PALB2: variants seen among roughly 807,000 people sequenced by gnomAD.
PALB2 encodes partner and localizer of BRCA2, also known as mutant partner and localizer of BRCA2.
In PALB2, 82 loss-of-function variants were observed where a neutral mutation model predicts 107.4. The observed-to-expected ratio is 0.76, with a 90% CI of 0.64 to 0.92. PALB2 has a LOEUF of 0.92. Among genes scored for constraint, PALB2 ranks in the 40% least tolerant of loss-of-function variants. The probability of loss-of-function intolerance (pLI) is 0.00; values close to 1 mark genes in which losing one functional copy is unlikely to be tolerated. For synonymous variants in PALB2, 489 were observed against 496.8 expected (o/e 0.98, Z 0.21); for missense variants, 1,374 against 1,379.9 (o/e 1.00, Z 0.07).
chr16:23,607,523 T>G (rs1256075471), intron 12 of PALB2: 2 of 343,278 alleles, frequency 5.8e-6, no homozygotes, highest in African/African-American at 4.3e-5. Flanking sequence ...CTCAAACTCC[T>G]GGGCTCAAGC....
At chr16:23,638,787 T>TA (rs1485364660) in intron 1 of PALB2, among the ~76,000 whole-genome samples, 1 of 152,210 alleles carries the variant, frequency 6.6e-6, no homozygotes, top group Non-Finnish European at 1.5e-5. Context: ...CTACTTTAGT[T>TA]ACAGTGGTCA....
intron 8 of PALB2, 82 bp from the exon 9 acceptor site, chr16:23,623,212 T>C: frequency 1.5e-6 from 2 of 1,323,776 alleles, no homozygotes; most frequent in Non-Finnish European, 2.1e-6. Context: ...TTTTTTTTTT[T>C]TTTTTTTTTG....
intron 6 of PALB2, among the ~76,000 whole-genome samples, chr16:23,627,945 T>G (rs1418269175): frequency 6.6e-6 from 1 of 152,200 alleles, no homozygotes; most frequent in Non-Finnish European, 1.5e-5. Context: ...ATTAGGACAC[T>G]GGGCATGGTG....
At chr16:23,617,938 C>T (rs562623333) in intron 10 of PALB2, 2 of 152,236 alleles carry the variant, frequency 1.3e-5, no homozygotes, top group Admixed American at 6.5e-5. Flanking sequence ...GGGAGGGTTG[C>T]TTAAGTCCAA....
intron 6 of PALB2, 41 bp from the exon 7 acceptor site, chr16:23,626,438 T>C (rs1306592016): frequency 6.2e-7 from 1 of 1,606,070 alleles, no homozygotes; most frequent in Non-Finnish European, 8.5e-7. Flanking sequence ...GGCACTCGAG[T>C]GCTGTTTTAT....
intron 4 of PALB2, among the ~76,000 whole-genome samples, 162 bp from the exon 5 acceptor site, chr16:23,630,631 T>C (rs900008051): frequency 2.0e-5 from 3 of 152,178 alleles, no homozygotes; most frequent in African/African-American, 7.2e-5. Context: ...TGAAGTCCTA[T>C]CAAAGAAACA....
rs1060502798 is a variant in PALB2 at position 23,607,903 on chromosome 16, C to A, written c.3311G>T (p.Gly1104Val). The stretch of plus-strand genomic sequence containing the variant: ...TGGAGGAAGACAGTACAGCATCACA[C>A]CCACGCTGAGAGTCGTCTTAGGGTT... ...VINPKTTLSVGVMLYCLPPGQ... is the reference protein window; with the variant it reads ...VINPKTTLSVVVMLYCLPPGQ... Residue 1104 changes from glycine to valine, a missense_variant, in exon 12 of 13, where the codon GGT (glycine) becomes GTT (valine). Transcript: ENST00000261584. The A allele has an allele frequency of 1.2e-6, 2 of 1,614,072 alleles. No homozygotes were observed. Among genetic ancestry groups the A allele is most frequent in the Non-Finnish European group, 1.7e-6 (2 of 1,180,006 alleles).
Position 23,635,304 on chromosome 16 carries a change from T to G in PALB2, c.1242A>C (p.Arg414=), listed in dbSNP as rs875989795. Residue 414 remains arginine (R), a synonymous_variant, in exon 4 of 13, where the codon CGA becomes CGC. Coordinates refer to ENST00000261584, the MANE Select transcript of PALB2 (RefSeq NM_024675.4). ...FPAEYYVRTT[R]SMSNCQRKVA... ...CTTTCCTCTGGCAATTGGACATGCT[T>G]CGTGTTGTTCTAACATAATATTCTG... 3 of 1,614,172 alleles carry G rather than the reference T, an allele frequency of 1.9e-6. No individual in the cohort carries two copies. Among genetic ancestry groups the G allele is most frequent in the South Asian group, 1.1e-5 (1 of 91,086 alleles).
At chr16:23,632,271 C>T (rs1184322282) in intron 4 of PALB2, among the ~76,000 whole-genome samples, 1 of 152,044 alleles carries the variant, frequency 6.6e-6, no homozygotes, top group East Asian at 1.9e-4. Flanking sequence ...TGGTGAAACC[C>T]CGTCTCTACT....
Position 23,603,556 on chromosome 16 carries a change from G to C in PALB2, c.3464C>G (p.Ser1155Cys), listed in dbSNP as rs755609496. The change falls in exon 13 of 13, where the codon TCT becomes TGT. Residue 1155 changes from serine (S) to cysteine (C), a missense_variant. Physicochemically the swap from Ser to Cys is moderately radical, Grantham distance 112. Transcript: ENST00000261584. ...GQCTALLPPV[S>C]DQHWSFVKWS... Reference sequence around the variant, plus strand: ...TTTCACAAAAGACCAATGTTGGTCAGAGACAGGTGGGAGGAGGGCAGTACA... The same window carrying C: ...TTTCACAAAAGACCAATGTTGGTCACAGACAGGTGGGAGGAGGGCAGTACA... 20 of 1,614,154 alleles carry C rather than the reference G, an allele frequency of 1.2e-5. No individual in the cohort carries two copies. In the South Asian group the frequency reaches 2.1e-4, roughly 17 times the overall value.
chr16:23,638,047 A>C, intron 2 of PALB2, 23 bp downstream of exon 2: 5 of 1,611,516 alleles, frequency 3.1e-6, no homozygotes, highest in Non-Finnish European at 4.2e-6. Flanking sequence ...TAACACCTTA[A>C]TTTGAGAATA....
At position 23,624,012 on chromosome 16, in the gene PALB2, ATCTC is replaced by A. The variant is rs1224428422; in HGVS notation, c.2827_2830del (p.Glu943SerfsTer18). The stretch of plus-strand genomic sequence containing the variant: ...TCACTCCTTGGGAATTACATACCTG[ATCTC>A]TCTGATTTCCAAATTTCCCAAAGCT... On this transcript the variant is annotated frameshift_variant, in exon 8 of 13. Transcript: ENST00000261584. LOFTEE classifies it high-confidence loss of function. 1 of 1,577,844 alleles carries A rather than the reference ATCTC, an allele frequency of 6.3e-7. No homozygotes were observed. Among genetic ancestry groups the A allele is most frequent in the Admixed American group, 1.7e-5 (1 of 59,934 alleles).
At chr16:23,617,065 T>G (rs1966697104) in intron 10 of PALB2, among the ~76,000 whole-genome samples, 1 of 152,126 alleles carries the variant, frequency 6.6e-6, no homozygotes, top group South Asian at 2.1e-4. Context: ...TCTGCCCACC[T>G]CGGCCTCCCA....
intron 11 of PALB2, among the ~76,000 whole-genome samples, chr16:23,608,801 T>TATATACACACACACACAC (rs560756242): frequency 6.3e-4 from 90 of 143,804 alleles, no homozygotes; most frequent in Admixed American, 1.7e-3. Flanking sequence ...TGTATATATA[T>TATATACACACACACACAC]ACACACACAC....
intron 3 of PALB2, among the ~76,000 whole-genome samples, chr16:23,637,065 T>A (rs1967080515): frequency 6.6e-6 from 1 of 151,642 alleles, no homozygotes; most frequent in Admixed American, 6.6e-5. Flanking sequence ...CTGGCCAACA[T>A]GGTGAAACCC....
chr16:23,613,949 CACTT>C (rs1966632270), intron 11 of PALB2, 51 bp downstream of exon 11: 1 of 1,344,330 alleles, frequency 7.4e-7, no homozygotes, highest in Non-Finnish European at 1.1e-6. Context: ...TTACTGCTCT[CACTT>C]AATGAGACCA....
chr16:23,606,934 C>T (rs193033844), intron 12 of PALB2, among the ~76,000 whole-genome samples: 2 of 151,714 alleles, frequency 1.3e-5, no homozygotes, highest in East Asian at 3.9e-4. Context: ...TGACCCCAGC[C>T]TCCCGAGTAG....
rs765063761 is a variant in PALB2, at chr16:23,630,255, T to C, written c.1899A>G (p.Lys633=). ...TTTTTGACTCAAAGGGCTCCACTGG[T>C]TTTTCTGAGCAGGACTTCACTTTTT... ...KLEKVKSCSE[K]PVEPFESKMF... The change falls in exon 5 of 13, where the codon AAA becomes AAG. Residue 633 remains lysine, a synonymous_variant. Transcript: ENST00000261584. 2 of 1,614,108 alleles carry C rather than the reference T, an allele frequency of 1.2e-6. No individual in the cohort carries two copies. The highest frequency in any genetic ancestry group is 4.5e-5 in the East Asian group (2 of 44,888).
At chr16:23,615,280 T>C (rs1966665659) in intron 10 of PALB2, among the ~76,000 whole-genome samples, 1 of 151,836 alleles carries the variant, frequency 6.6e-6, no homozygotes, top group African/African-American at 2.4e-5. Context: ...ATTTGTGACA[T>C]TGATAACTGC....
Sources: gnomAD v4.1 joint callset for allele counts (sites outside exome capture counted in the v4.1 genomes callset) on GRCh38, gnomAD v4.1.1 for gene constraint, MANE v1.5 for transcripts, NCBI Gene and HGNC (gene_info 2026-07-23, HGNC 2026-07-21) for gene names.